Variants in FRK observed in about 807,000 individuals in gnomAD.
The protein encoded by FRK is tyrosine-protein kinase FRK.
A neutral mutation model predicts 56.4 loss-of-function variants in FRK; 51 were observed. The ratio of observed to expected loss-of-function variants is 0.90; its 90% CI spans 0.72 to 1.14. The LOEUF is 1.14. Among genes scored for constraint, FRK ranks in the 50% most tolerant of loss-of-function variants. FRK has a pLI of 0.00. For synonymous variants in FRK, 245 were observed against 217.9 expected (o/e 1.12, Z -1.10); for missense variants, 570 against 601.4 (o/e 0.95, Z 0.55).
At chr6:115,955,014 TGGA>T (rs1772928952) in intron 5 of FRK, among the ~76,000 whole-genome samples, 1 of 152,044 alleles carries the variant, frequency 6.6e-6, no homozygotes, top group South Asian at 2.1e-4. Context: ...AAGATTCAAG[TGGA>T]GAAGTTAAGA....
At chr6:116,078,958 A>T in the FRK span, among the ~76,000 whole-genome samples, 1 of 152,164 alleles carries the variant, frequency 6.6e-6, no homozygotes, top group Non-Finnish European at 1.5e-5. Flanking sequence ...ACATATCAAA[A>T]GTCCATTCCT....
chr6:116,083,537 A>T, the FRK span, among the ~76,000 whole-genome samples: 1 of 152,194 alleles, frequency 6.6e-6, no homozygotes, highest in African/African-American at 2.4e-5. Context: ...AAAAATGCAG[A>T]TAATTTATAG....
At chr6:116,098,471 C>A in the FRK span, among the ~76,000 whole-genome samples, 1 of 152,054 alleles carries the variant, frequency 6.6e-6, no homozygotes, top group African/African-American at 2.4e-5. Context: ...AACTCTGGTG[C>A]CCCTTCCTCT....
chr6:115,971,410 G>A (rs1441283850), intron 2 of FRK, among the ~76,000 whole-genome samples: 1 of 152,100 alleles, frequency 6.6e-6, no homozygotes, highest in African/African-American at 2.4e-5. Flanking sequence ...AAAAATGCAA[G>A]GAAATATCAA....
At chr6:115,968,547 A>T (rs56014011) in intron 3 of FRK, 29 bp downstream of exon 3, 51,607 of 1,586,120 alleles carry the variant, frequency 0.033, 1,009 homozygotes, top group Non-Finnish European at 0.037. Flanking sequence ...TAACTTCAAT[A>T]AAAAAACACA....
At position 116,013,206 on chromosome 6, in the gene FRK, A is replaced by C. The variant is rs73770698; in HGVS notation, c.345-9208T>G. ...ACTATTTATAAAAGAATCTTGTTAT[A>C]GTCTGAATCCACTTCCCTGAGTCTG... On this transcript the variant is annotated intron_variant, in intron 1 of 7. Coordinates refer to ENST00000606080, the MANE Select transcript of FRK (RefSeq NM_002031.3). 1.3e-3 allele frequency among the ~76,000 whole-genome samples: 199 copies of C among 152,300 alleles called. 1 individual carries two copies. The highest frequency in any genetic ancestry group is 4.7e-3 in the African/African-American group (195 of 41,574).
intron 2 of FRK, among the ~76,000 whole-genome samples, chr6:115,983,501 T>G (rs1330891249): frequency 1.3e-5 from 2 of 152,184 alleles, no homozygotes; most frequent in Non-Finnish European, 2.9e-5. Context: ...TCTTACAGTA[T>G]TTTTCTCCAT....
chr6:116,086,091 C>T, the FRK span, among the ~76,000 whole-genome samples: 21 of 152,008 alleles, frequency 1.4e-4, no homozygotes, highest in Admixed American at 5.9e-4. Flanking sequence ...CTGTAAGCTC[C>T]GCCTCCCGAG....
upstream of FRK, among the ~76,000 whole-genome samples, chr6:116,063,354 C>T (rs1035455992): frequency 2.0e-5 from 3 of 152,120 alleles, no homozygotes; most frequent in Admixed American, 6.5e-5. Context: ...GGTATATATA[C>T]ACATTAGAAA....
chr6:116,060,316 C>A lies in FRK; in HGVS notation c.-5G>T. ...CCTCTGACAGATGTTGCTCATTGTGCCTTGGTGGGGAGAAGAGGAGCAGGG... is the reference window on the plus strand; with the variant it reads ...CCTCTGACAGATGTTGCTCATTGTGACTTGGTGGGGAGAAGAGGAGCAGGG... On this transcript the variant is annotated 5_prime_UTR_variant, in exon 1 of 8. Transcript: ENST00000606080. 1 of 1,609,328 alleles carries A rather than the reference C, an allele frequency of 6.2e-7. No individual in the cohort carries two copies. The highest frequency in any genetic ancestry group is 8.5e-7 in the Non-Finnish European group (1 of 1,177,108).
At chr6:116,020,402 C>A (rs1318890492) in intron 1 of FRK, among the ~76,000 whole-genome samples, 6 of 152,020 alleles carry the variant, frequency 3.9e-5, no homozygotes, top group Non-Finnish European at 8.8e-5. Context: ...AGTGATTCTC[C>A]TGCCTCAGCC....
At chr6:115,984,677 CT>C in intron 2 of FRK, among the ~76,000 whole-genome samples, 1 of 150,020 alleles carries the variant, frequency 6.7e-6, no homozygotes, top group Non-Finnish European at 1.5e-5. Context: ...TGTTTTGTTT[CT>C]TTTTTTCCTG....
At chr6:116,038,177 G>A (rs1334367098) in intron 1 of FRK, among the ~76,000 whole-genome samples, 1 of 152,144 alleles carries the variant, frequency 6.6e-6, no homozygotes, top group Non-Finnish European at 1.5e-5. Flanking sequence ...TTACAATTCT[G>A]TCAAACAGCC....
At chr6:116,095,847 G>T in the FRK span, among the ~76,000 whole-genome samples, 1 of 152,214 alleles carries the variant, frequency 6.6e-6, no homozygotes, top group African/African-American at 2.4e-5. Flanking sequence ...CTTCTTAGGG[G>T]AAGAGTGTTG....
intron 4 of FRK, among the ~76,000 whole-genome samples, chr6:115,960,284 G>A (rs201185121): frequency 3.0e-4 from 46 of 150,948 alleles, no homozygotes; most frequent in East Asian, 1.2e-3. Flanking sequence ...AAGGGGTGAC[G>A]GACGCACCTG....
the FRK span, among the ~76,000 whole-genome samples, chr6:116,073,950 C>T: frequency 6.6e-6 from 1 of 152,204 alleles, no homozygotes; most frequent in African/African-American, 2.4e-5. Flanking sequence ...AGCAAGTTAA[C>T]TTATCCTGTC....
intron 2 of FRK, among the ~76,000 whole-genome samples, chr6:115,975,857 G>T (rs1453821180): frequency 6.6e-6 from 1 of 152,138 alleles, no homozygotes; most frequent in Non-Finnish European, 1.5e-5. Context: ...AGCAGAACAT[G>T]TCGAAGAATT....
intron 1 of FRK, among the ~76,000 whole-genome samples, chr6:116,056,497 C>T (rs1777405491): frequency 6.6e-6 from 1 of 152,100 alleles, no homozygotes; most frequent in Non-Finnish European, 1.5e-5. Context: ...AAACTCTTTG[C>T]AGATAAATGA....
the FRK span, among the ~76,000 whole-genome samples, chr6:116,091,893 G>A: frequency 6.6e-6 from 1 of 152,144 alleles, no homozygotes; most frequent in Admixed American, 6.5e-5. Flanking sequence ...ACAAAAAGTT[G>A]GTTGACCCTG....
Sources: gnomAD v4.1 joint callset for allele counts (sites outside exome capture counted in the v4.1 genomes callset) on GRCh38, gnomAD v4.1.1 for gene constraint, MANE v1.5 for transcripts, NCBI Gene and HGNC (gene_info 2026-07-23, HGNC 2026-07-21) for gene names.